Variants in MYO1D observed in about 807,000 individuals in gnomAD.
MYO1D encodes unconventional myosin-Id.
Under a neutral mutation model 122.0 loss-of-function variants are expected in MYO1D, and 83 were observed. The observed-to-expected ratio is 0.68, with a 90% CI of 0.57 to 0.82. MYO1D has a LOEUF of 0.82. Ranked by LOEUF, MYO1D falls within the 40% of genes least tolerant of loss-of-function variation. The pLI, the probability that MYO1D is intolerant of heterozygous loss-of-function variation, is 0.00. For missense variants in MYO1D, 1,157 were observed against 1,269.5 expected (o/e 0.91, Z 1.35); for synonymous variants, 464 against 446.9 (o/e 1.04, Z -0.48).
At chr17:32,745,798 GGA>G (rs1223035293) in intron 12 of MYO1D, 1 of 154,848 alleles carries the variant, frequency 6.5e-6, no homozygotes, top group Non-Finnish European at 1.4e-5. Flanking sequence ...ATGGTGCTCT[GGA>G]GAGAGAATGA....
At chr17:32,774,005 C>A (rs1308105962) in intron 4 of MYO1D, among the ~76,000 whole-genome samples, 4 of 152,122 alleles carry the variant, frequency 2.6e-5, no homozygotes, top group Non-Finnish European at 5.9e-5. Context: ...CCCCTCCTCC[C>A]CAGGCTGTGC....
At chr17:32,654,074 C>A in intron 18 of MYO1D, 127 bp from the exon 19 acceptor site, 1 of 687,790 alleles carries the variant, frequency 1.5e-6, no homozygotes, top group Non-Finnish European at 2.3e-6. Flanking sequence ...ATCTCCTCAC[C>A]CCAGATGGTA....
intron 10 of MYO1D, among the ~76,000 whole-genome samples, chr17:32,757,749 G>T (rs1255452309): frequency 6.6e-6 from 1 of 152,110 alleles, no homozygotes; most frequent in Non-Finnish European, 1.5e-5. Flanking sequence ...CTTTCAGTTT[G>T]TAAGTTTAAT....
intron 1 of MYO1D, among the ~76,000 whole-genome samples, chr17:32,854,097 G>A (rs1347576436): frequency 3.3e-5 from 5 of 152,008 alleles, no homozygotes; most frequent in Non-Finnish European, 7.4e-5. Context: ...TTTTTTACTA[G>A]CAATATCAAC....
intron 12 of MYO1D, among the ~76,000 whole-genome samples, chr17:32,745,849 G>T (rs1335334520): frequency 6.6e-6 from 1 of 152,166 alleles, no homozygotes; most frequent in Non-Finnish European, 1.5e-5. Context: ...AGATGAGTAA[G>T]GTCTTGAAAG....
In MYO1D at chr17:32,745,226, C is replaced by A. The variant is rs772624904; in HGVS notation, c.1598G>T (p.Arg533Leu). The A allele has an allele frequency of 6.6e-7, 1 of 1,523,742 alleles. No homozygotes were observed. Among genetic ancestry groups the A allele is most frequent in the Non-Finnish European group, 9.1e-7 (1 of 1,104,370 alleles). 94.4% of individuals were successfully genotyped at this position (1,523,742 alleles called of 1,614,324 possible). A position where few individuals can be genotyped will look rare whatever the true frequency, so the allele number is the denominator to read the frequency against. ...NKDTLFQDFK[R>L]LMYNSSNPVL... ...TCAATCTTACCTGTTATACATAAGG[C>A]GCTTGAAATCTTGAAATAAAGTATC... Residue 533 changes from arginine to leucine, a missense_variant, in exon 13 of 22, where the codon CGC (arginine) becomes CTC (leucine). By Grantham distance (102) the Arg-to-Leu change is moderately radical. Coordinates refer to ENST00000318217, the MANE Select transcript of MYO1D (RefSeq NM_015194.3).
chr17:32,806,309 A>G (rs2090511972), intron 1 of MYO1D, among the ~76,000 whole-genome samples: 1 of 152,126 alleles, frequency 6.6e-6, no homozygotes, highest in African/African-American at 2.4e-5. Context: ...ACCATACCTA[A>G]GGTGTTATGT....
chr17:32,783,814 C>G (rs2090264774), intron 1 of MYO1D, among the ~76,000 whole-genome samples: 1 of 152,142 alleles, frequency 6.6e-6, no homozygotes, highest in Non-Finnish European at 1.5e-5. Flanking sequence ...CTCTGTTTGC[C>G]TCCAGGAAGA....
intron 16 of MYO1D, among the ~76,000 whole-genome samples, chr17:32,683,503 C>A (rs867168463): frequency 6.6e-6 from 1 of 151,868 alleles, no homozygotes; most frequent in African/African-American, 2.4e-5. Context: ...GTTGGAATAC[C>A]CTGCCGTGTG....
intron 1 of MYO1D, among the ~76,000 whole-genome samples, chr17:32,803,283 A>T (rs920003526): frequency 6.6e-6 from 1 of 152,026 alleles, no homozygotes; most frequent in South Asian, 2.1e-4. Flanking sequence ...AGTAGCTGGG[A>T]CTACAGGTGC....
At chr17:32,616,967 C>CA (rs2087777520) in intron 20 of MYO1D, among the ~76,000 whole-genome samples, 1 of 152,128 alleles carries the variant, frequency 6.6e-6, no homozygotes, top group African/African-American at 2.4e-5. Flanking sequence ...TTGGGTGGAT[C>CA]ACCTGAGGCC....
chr17:32,607,287 C>T (rs879682141), intron 20 of MYO1D, among the ~76,000 whole-genome samples: 6 of 151,740 alleles, frequency 4.0e-5, no homozygotes, highest in African/African-American at 7.3e-5. Flanking sequence ...AACTAATAAG[C>T]GCATCTAGTA....
chr17:32,619,524 ATG>A (rs1253432662), intron 20 of MYO1D, among the ~76,000 whole-genome samples: 9 of 152,170 alleles, frequency 5.9e-5, no homozygotes, highest in African/African-American at 2.2e-4. Flanking sequence ...ATGGCTATGT[ATG>A]AGAATCACAG....
At chr17:32,731,900 G>C (rs907129150) in intron 14 of MYO1D, among the ~76,000 whole-genome samples, 1 of 152,198 alleles carries the variant, frequency 6.6e-6, no homozygotes, top group Non-Finnish European at 1.5e-5. Flanking sequence ...TGCACTCCCG[G>C]GGACATGGGA....
intron 21 of MYO1D, among the ~76,000 whole-genome samples, chr17:32,550,957 C>T (rs1026832609): frequency 4.5e-5 from 5 of 112,270 alleles, no homozygotes; most frequent in African/African-American, 2.1e-4. Flanking sequence ...CCCTAGGCAA[C>T]AGAGTGTCAA....
chr17:32,769,793 A>G (rs533407881), intron 6 of MYO1D, among the ~76,000 whole-genome samples: 1 of 143,866 alleles, frequency 7.0e-6, no homozygotes, highest in Non-Finnish European at 1.5e-5. Flanking sequence ...CTTAGGAAGC[A>G]AAAAAAAAAA....
At chr17:32,524,613 G>T (rs1165170195) in intron 21 of MYO1D, among the ~76,000 whole-genome samples, 1 of 150,148 alleles carries the variant, frequency 6.7e-6, no homozygotes, top group African/African-American at 2.5e-5. Context: ...GCTCAGGCTG[G>T]AGTGCAGTGG....
chr17:32,815,954 GCTTATAAACAAATC>G (rs1272308319), intron 1 of MYO1D, among the ~76,000 whole-genome samples: 1 of 152,162 alleles, frequency 6.6e-6, no homozygotes, highest in Non-Finnish European at 1.5e-5. Context: ...AAACTTCTGG[GCTTATAAACAAATC>G]CTTTATCCAT....
chr17:32,535,979 G>A (rs1363111148), intron 21 of MYO1D, among the ~76,000 whole-genome samples: 1 of 152,224 alleles, frequency 6.6e-6, no homozygotes, highest in African/African-American at 2.4e-5. Flanking sequence ...CAGACTGGAA[G>A]AGTGCAGACA....
Sources: allele counts gnomAD v4.1 joint callset (sites outside exome capture counted in the v4.1 genomes callset), GRCh38; gene constraint gnomAD v4.1.1; transcripts MANE v1.5; gene names NCBI Gene and HGNC (gene_info 2026-07-23, HGNC 2026-07-21).